The following FILIP1 variants were observed in gnomAD, a reference collection of about 807,000 sequenced individuals.
FILIP1 encodes filamin A interacting protein 1.
A neutral mutation model predicts 102.1 loss-of-function variants in FILIP1; 61 were observed. That is an observed-to-expected ratio of 0.60 (90% CI 0.49 to 0.74). FILIP1 has a LOEUF of 0.74. FILIP1 is among the 30% of genes least tolerant of loss of function. The probability of loss-of-function intolerance (pLI) is 0.00; values close to 1 mark genes in which losing one functional copy is unlikely to be tolerated. For synonymous variants in FILIP1, 491 were observed against 526.9 expected, an observed-to-expected ratio of 0.93 and a Z score of 0.93; for missense variants, 1,314 against 1,441.2, an observed-to-expected ratio of 0.91 and a Z score of 1.43.
At chr6:75,335,928 T>C (rs1308090194) in intron 4 of FILIP1, among the ~76,000 whole-genome samples, 1 of 152,212 alleles carries the variant, frequency 6.6e-6, no homozygotes, top group African/African-American at 2.4e-5. Context: ...CTGAATATAA[T>C]AATTACTTCA....
chr6:75,473,986 A>G (rs1779405122), intron 1 of FILIP1: 1 of 152,176 alleles, frequency 6.6e-6, no homozygotes, highest in Admixed American at 6.5e-5. Flanking sequence ...TAAATAGAGT[A>G]TTTCTTATCT....
intron 1 of FILIP1, among the ~76,000 whole-genome samples, chr6:75,474,775 TGGAGGTGGAGCCTGGTG>T (rs1273538258): frequency 6.6e-6 from 1 of 152,116 alleles, no homozygotes; most frequent in Admixed American, 6.6e-5. Context: ...TCCCCAGTGT[TGGAGGTGGAGCCTGGTG>T]GGAGGTGACT....
chr6:75,336,861 G>A (rs1307827940), intron 4 of FILIP1, among the ~76,000 whole-genome samples: 1 of 151,998 alleles, frequency 6.6e-6, no homozygotes, highest in African/African-American at 2.4e-5. Context: ...CACCCCCTTG[G>A]CTAAATAACA....
intron 1 of FILIP1, among the ~76,000 whole-genome samples, chr6:75,439,067 C>T (rs952836467): frequency 6.6e-6 from 1 of 152,216 alleles, no homozygotes; most frequent in African/African-American, 2.4e-5. Flanking sequence ...TCTTTGAATT[C>T]ACTCTTCAGC....
At chr6:75,464,170 G>C (rs545390814) in intron 1 of FILIP1, among the ~76,000 whole-genome samples, 1 of 152,182 alleles carries the variant, frequency 6.6e-6, no homozygotes, top group South Asian at 2.1e-4. Context: ...TGTTTTTATA[G>C]ACTCAGGCCT....
At chr6:75,302,200 A>C (rs1772856468) in intron 6 of FILIP1, among the ~76,000 whole-genome samples, 2 of 152,080 alleles carry the variant, frequency 1.3e-5, no homozygotes, top group African/African-American at 4.8e-5. Context: ...TGCATCCATC[A>C]CCTGCTGTTG....
chr6:75,402,804 T>C (rs1027356268), intron 2 of FILIP1, among the ~76,000 whole-genome samples: 2 of 152,204 alleles, frequency 1.3e-5, no homozygotes, highest in Admixed American at 1.3e-4. Context: ...TTTATGACCA[T>C]TACTGTTAAT....
In FILIP1 at chr6:75,308,687, G is replaced by A; in HGVS notation, c.*4C>T. On this transcript the variant is annotated 3_prime_UTR_variant, in exon 6 of 6. Coordinates refer to ENST00000237172, the MANE Select transcript of FILIP1 (RefSeq NM_015687.5). ...TGCACAACATACCCCCTTAGCCACT[G>A]CCCTCAGCCCTTCCCCCCTCCGAGA... The A allele has an allele frequency of 6.2e-7, 1 of 1,612,518 alleles. No individual in the cohort carries two copies. The highest frequency in any genetic ancestry group is 8.5e-7 in the Non-Finnish European group (1 of 1,179,982).
chr6:75,301,598 GGTAA>G (rs1246401190), intron 6 of FILIP1, among the ~76,000 whole-genome samples: 4 of 152,138 alleles, frequency 2.6e-5, no homozygotes, highest in African/African-American at 9.7e-5. Flanking sequence ...ACTTTTACCA[GGTAA>G]GTAATTAATC....
chr6:75,449,741 A>C (rs531013859), intron 1 of FILIP1, among the ~76,000 whole-genome samples: 2 of 152,238 alleles, frequency 1.3e-5, no homozygotes, highest in South Asian at 2.1e-4. Context: ...AAAAATCCTC[A>C]GACATTTACT....
intron 4 of FILIP1, among the ~76,000 whole-genome samples, chr6:75,316,052 C>A (rs1182945615): frequency 2.6e-5 from 4 of 152,126 alleles, no homozygotes; most frequent in Admixed American, 1.3e-4. Flanking sequence ...GCAAGAAAAT[C>A]TGTATATCAA....
intron 4 of FILIP1, among the ~76,000 whole-genome samples, chr6:75,327,012 T>C (rs1773886817): frequency 6.6e-6 from 1 of 151,756 alleles, no homozygotes; most frequent in Non-Finnish European, 1.5e-5. Flanking sequence ...TCCCTCCTGC[T>C]GACATCAATC....
At chr6:75,296,472 ATGTT>A (rs1394798254) in intron 6 of FILIP1, 1 of 110,352 alleles carries the variant, frequency 9.1e-6, no homozygotes, top group African/African-American at 3.6e-5. Context: ...ATAACTCTAT[ATGTT>A]TATTATTATT....
chr6:75,349,634 T>C (rs544678462), intron 4 of FILIP1, among the ~76,000 whole-genome samples: 2 of 152,332 alleles, frequency 1.3e-5, no homozygotes, highest in South Asian at 4.1e-4. Context: ...TGGAACAGTC[T>C]ATAGGACACG....
At chr6:75,391,169 C>T (rs188790831) in intron 2 of FILIP1, among the ~76,000 whole-genome samples, 105 of 152,014 alleles carry the variant, frequency 6.9e-4, no homozygotes, top group African/African-American at 2.4e-3. Context: ...CCTTCACCCT[C>T]CTCCTTCCAT....
At chr6:75,392,495 T>C (rs1776307107) in intron 2 of FILIP1, among the ~76,000 whole-genome samples, 1 of 152,214 alleles carries the variant, frequency 6.6e-6, no homozygotes, top group South Asian at 2.1e-4. Flanking sequence ...TCCATCTCAG[T>C]AAATGACAAC....
At chr6:75,365,672 C>CCACTG (rs1372278012) in intron 2 of FILIP1, among the ~76,000 whole-genome samples, 1 of 152,114 alleles carries the variant, frequency 6.6e-6, no homozygotes, top group African/African-American at 2.4e-5. Flanking sequence ...CAGGCGTGAG[C>CCACTG]CACTGCACCT....
intron 2 of FILIP1, among the ~76,000 whole-genome samples, chr6:75,411,466 G>T (rs1777067795): frequency 6.6e-6 from 1 of 152,076 alleles, no homozygotes; most frequent in African/African-American, 2.4e-5. Context: ...CATTGCTTTT[G>T]GTGTTTTAGT....
In FILIP1 at chr6:75,314,882, A is replaced by C. The variant is rs1473005969; in HGVS notation, c.950T>G (p.Met317Arg). The C allele has an allele frequency of 6.2e-7, 1 of 1,614,110 alleles. No individual in the cohort carries two copies. Among genetic ancestry groups the C allele is most frequent in the Non-Finnish European group, 8.5e-7 (1 of 1,180,022 alleles). ...ASRFSQEHEE[M>R]NAKLANQESH... Reference sequence around the variant, plus strand: ...CTCTTGATTAGCCAGTTTAGCGTTCATCTCTTCATGCTCTTGAGAAAACCT... The same window carrying C: ...CTCTTGATTAGCCAGTTTAGCGTTCCTCTCTTCATGCTCTTGAGAAAACCT... The change falls in exon 5 of 6, where the codon ATG becomes AGG. Residue 317 changes from methionine (M) to arginine (R), a missense_variant. By Grantham distance (91) the Met-to-Arg change is moderately conservative. Around this residue, in one of 3 missense-constraint regions of FILIP1, gnomAD observed 494 missense variants for 511.2 expected, o/e 0.97. Transcript: ENST00000237172.
Sources: allele counts gnomAD v4.1 joint callset (sites outside exome capture counted in the v4.1 genomes callset), GRCh38; gene constraint gnomAD v4.1.1; regional missense constraint gnomAD v4.1.1; transcripts MANE v1.5; gene names NCBI Gene and HGNC (gene_info 2026-07-23, HGNC 2026-07-21).